Variants in PIEZO2 observed in about 807,000 individuals in gnomAD.
PIEZO2 encodes the protein piezo-type mechanosensitive ion channel component 2.
A neutral mutation model predicts 337.3 loss-of-function variants in PIEZO2; 172 were observed. That is an observed-to-expected ratio of 0.51 (90% CI 0.45 to 0.58). PIEZO2 has a LOEUF of 0.58. Ranked by LOEUF, PIEZO2 falls within the 20% of genes least tolerant of loss-of-function variation. The pLI, the probability that PIEZO2 is intolerant of heterozygous loss-of-function variation, is 0.00. For synonymous variants in PIEZO2, 1,251 were observed against 1,228.5 expected, an observed-to-expected ratio of 1.02 and a Z score of -0.38; for missense variants, 3,028 against 3,391.3, an observed-to-expected ratio of 0.89 and a Z score of 2.66.
Position 10,672,566 on chromosome 18 carries a change from G to A in PIEZO2, c.8345+124C>T. ...TGAAATAAAATGCACACAAGGATGT[G>A]TGCATTTTAATACTGCAGCTCTAAA... On this transcript the variant is annotated intron_variant, in intron 55 of 55. Coordinates refer to ENST00000674853, the MANE Select transcript of PIEZO2 (RefSeq NM_001378183.1). This position sits in a 1 kb window ranked among gnomAD's most constrained non-coding sequence, Gnocchi z 4.7. 1 of 1,048,358 alleles carries A rather than the reference G, an allele frequency of 9.5e-7. No homozygotes were observed. The highest frequency in any genetic ancestry group is 1.4e-6 in the Non-Finnish European group (1 of 718,106). The allele number at this position is 1,048,358 out of a possible 1,614,324, so 64.9% of individuals were successfully genotyped here. A position where few individuals can be genotyped will look rare whatever the true frequency, so the allele number is the denominator to read the frequency against.
At chr18:10,802,221 A>C (rs72986083) in intron 9 of PIEZO2, among the ~76,000 whole-genome samples, 42,495 of 152,032 alleles carry the variant, frequency 0.28, 6,954 homozygotes, top group Middle Eastern at 0.41. Context: ...CTAGTAATAC[A>C]TTACTACCAG....
intron 5 of PIEZO2, among the ~76,000 whole-genome samples, chr18:10,869,221 G>A (rs928102044): frequency 6.6e-6 from 1 of 152,158 alleles, no homozygotes; most frequent in Non-Finnish European, 1.5e-5. Context: ...GAAGAAGAAA[G>A]AGAAGAAACA....
At chr18:10,688,422 T>C (rs2034650871) in intron 49 of PIEZO2, among the ~76,000 whole-genome samples, 1 of 152,106 alleles carries the variant, frequency 6.6e-6, no homozygotes, top group Admixed American at 6.6e-5. Flanking sequence ...TATTTGGAGG[T>C]AGTTTGTTAG....
chr18:11,041,428 G>A (rs186206439), intron 2 of PIEZO2, among the ~76,000 whole-genome samples: 35 of 152,100 alleles, frequency 2.3e-4, no homozygotes, highest in African/African-American at 6.0e-4. Flanking sequence ...GTTCAGCCTC[G>A]AGTTCATGAA....
intron 2 of PIEZO2, among the ~76,000 whole-genome samples, chr18:11,011,320 G>A (rs1178401739): frequency 6.6e-6 from 1 of 151,982 alleles, no homozygotes; most frequent in Non-Finnish European, 1.5e-5. Flanking sequence ...AAATGTGATG[G>A]CATAAAGTTT....
chr18:10,928,459 G>A (rs2031886563), intron 3 of PIEZO2, among the ~76,000 whole-genome samples: 1 of 152,194 alleles, frequency 6.6e-6, no homozygotes, highest in South Asian at 2.1e-4. Context: ...GTTCCACCAA[G>A]CACTCTGCAC....
rs888375451 is a variant in PIEZO2 at position 10,834,874 on chromosome 18, G to A, written c.917+20479C>T. On this transcript the variant is annotated intron_variant, in intron 7 of 55. Coordinates refer to ENST00000674853, the MANE Select transcript of PIEZO2 (RefSeq NM_001378183.1). The surrounding 1 kb of genome is among the most constrained non-coding windows in gnomAD (Gnocchi z 4.5). ...GCCTCCATCACTCTCACTTTCACAA[G>A]GGCGTGATCATAAGCTTTTGTTTTG... Among the ~76,000 whole-genome samples, 1 of 152,206 alleles carries A rather than the reference G, an allele frequency of 6.6e-6. No homozygotes were observed. The highest frequency in any genetic ancestry group is 1.5e-5 in the Non-Finnish European group (1 of 68,030).
rs528492887 is a variant in PIEZO2 at position 11,003,044 on chromosome 18, A to G, written c.161-23384T>C. Reference sequence around the variant, plus strand: ...ACATCCGTTGCATGAGGTCAAGGACAGCCTTAAGCACAAGGAGATTCTAAC... The same window carrying G: ...ACATCCGTTGCATGAGGTCAAGGACGGCCTTAAGCACAAGGAGATTCTAAC... On this transcript the variant is annotated intron_variant, in intron 2 of 55. Transcript: ENST00000674853. The surrounding 1 kb of genome is among the most constrained non-coding windows in gnomAD (Gnocchi z 4.6). Among the ~76,000 whole-genome samples, 16 of 152,330 alleles carry G rather than the reference A, an allele frequency of 1.1e-4. No individual in the cohort carries two copies. The highest frequency in any genetic ancestry group is 3.9e-4 in the African/African-American group (16 of 41,556).
rs547676573 is a variant in PIEZO2 at position 11,129,845 on chromosome 18, G to A, written c.64+18680C>T. Among the ~76,000 whole-genome samples, 1 of 152,292 alleles carries A rather than the reference G, an allele frequency of 6.6e-6. No homozygotes were observed. Among genetic ancestry groups the A allele is most frequent in the Non-Finnish European group, 1.5e-5 (1 of 68,006 alleles). ...TTCAGTTAAAGTAGGGGCTTATGGA[G>A]GTCAGGTAATTAATGGAGTTTTAGC... On this transcript the variant is annotated intron_variant, in intron 1 of 55. Transcript: ENST00000674853. This position sits in a 1 kb window ranked among gnomAD's most constrained non-coding sequence, Gnocchi z 4.6.
At chr18:11,056,374 A>C (rs2037733255) in intron 2 of PIEZO2, among the ~76,000 whole-genome samples, 1 of 152,226 alleles carries the variant, frequency 6.6e-6, no homozygotes, top group South Asian at 2.1e-4. Flanking sequence ...CACTGCACAC[A>C]GCTCTTCAGA....
chr18:10,699,275 G>C, intron 43 of PIEZO2, 98 bp from the exon 44 acceptor site: 1 of 1,454,958 alleles, frequency 6.9e-7, no homozygotes, highest in South Asian at 1.3e-5. Flanking sequence ...TGTCCTTCAA[G>C]ATTAGAAAAG....
At position 10,696,553 on chromosome 18, in the gene PIEZO2, A is replaced by T. The variant is rs1598367981; in HGVS notation, c.6828-14T>A. The T allele has an allele frequency of 6.2e-7, 1 of 1,611,082 alleles. No homozygotes were observed. The highest frequency in any genetic ancestry group is 8.5e-7 in the Non-Finnish European group (1 of 1,179,432). ...ATCTCCAGCGTCCTGCAAAATGGAG[A>T]CCCCCACCCCCAACCCACTTGTTTC... On this transcript the variant is annotated splice_polypyrimidine_tract_variant and intron_variant, in intron 45 of 55. Transcript: ENST00000674853.
intron 5 of PIEZO2, among the ~76,000 whole-genome samples, chr18:10,866,405 C>T (rs895969430): frequency 2.6e-5 from 4 of 151,976 alleles, no homozygotes; most frequent in African/African-American, 9.7e-5. Flanking sequence ...CCTGCCTCAG[C>T]CTCCTGAGTA....
intron 1 of PIEZO2, among the ~76,000 whole-genome samples, chr18:11,139,580 C>G (rs535499738): frequency 3.3e-5 from 5 of 152,038 alleles, no homozygotes; most frequent in Non-Finnish European, 5.9e-5. Context: ...CCCACCTAGA[C>G]GATGGGAGCA....
At chr18:10,730,765 C>T (rs1414883190) in intron 36 of PIEZO2, among the ~76,000 whole-genome samples, 4 of 152,140 alleles carry the variant, frequency 2.6e-5, no homozygotes, top group East Asian at 1.9e-4. Context: ...CTCCCTCTGT[C>T]GCCCAGGCTG....
Position 10,783,084 on chromosome 18 carries a change from A to C in PIEZO2, c.2492+1700T>G, listed in dbSNP as rs772454234. Among the ~76,000 whole-genome samples, 4 of 152,126 alleles carry C rather than the reference A, an allele frequency of 2.6e-5. No individual in the cohort carries two copies. The highest frequency in any genetic ancestry group is 4.8e-5 in the African/African-American group (2 of 41,420). The stretch of plus-strand genomic sequence containing the variant: ...AAAAAGGTTCCTGCATGCTGGAGGC[A>C]CTTTTAGTGAGAAAAAAAAATGAAT... On this transcript the variant is annotated intron_variant, in intron 17 of 55. Transcript: ENST00000674853. This position sits in a 1 kb window ranked among gnomAD's most constrained non-coding sequence, Gnocchi z 4.3.
chr18:10,939,698 A>G (rs1254929698), intron 3 of PIEZO2, among the ~76,000 whole-genome samples: 3 of 152,168 alleles, frequency 2.0e-5, no homozygotes, highest in Non-Finnish European at 4.4e-5. Context: ...GTTCTCACTC[A>G]TAAGTGGGAG....
chr18:10,790,268 G>T (rs988643207), intron 14 of PIEZO2, among the ~76,000 whole-genome samples: 19 of 152,180 alleles, frequency 1.2e-4, no homozygotes, highest in Non-Finnish European at 2.2e-4. Flanking sequence ...ATGTGTGTGT[G>T]TATGGAGATA....
rs935390577 is a variant in PIEZO2, at chr18:10,828,203, A to G, written c.918-20929T>C. 2.0e-5 allele frequency among the ~76,000 whole-genome samples: 3 copies of G among 151,952 alleles called. No homozygotes were observed. The highest frequency in any genetic ancestry group is 1.3e-4 in the Admixed American group (2 of 15,262). ...TAGTCATAAGTATCACTTAGCTTCA[A>G]AGTTCAACAGTTTGAGACAGGATGT... is the stretch of plus-strand genomic sequence containing the variant. On this transcript the variant is annotated intron_variant, in intron 7 of 55. Coordinates refer to ENST00000674853, the MANE Select transcript of PIEZO2 (RefSeq NM_001378183.1). The surrounding 1 kb of genome is among the most constrained non-coding windows in gnomAD (Gnocchi z 4.1).
Sources: allele counts gnomAD v4.1 joint callset (sites outside exome capture counted in the v4.1 genomes callset), GRCh38; gene constraint gnomAD v4.1.1; non-coding constraint Gnocchi (gnomAD v3.1); transcripts MANE v1.5; gene names NCBI Gene and HGNC (gene_info 2026-07-23, HGNC 2026-07-21).